Variants in KSR2 observed in about 807,000 individuals in gnomAD.
KSR2 encodes kinase suppressor of ras 2.
KSR2 carries 25 observed loss-of-function variants against 107.8 expected under a neutral mutation model. The observed-to-expected ratio is 0.23, with a 90% confidence interval of 0.17 to 0.32. The LOEUF is 0.32. Ranked by LOEUF, KSR2 falls within the 10% of genes least tolerant of loss-of-function variation. KSR2 has a pLI of 1.00. For missense variants in KSR2, 887 were observed against 1,268.9 expected (o/e 0.70, Z 4.57); for synonymous variants, 480 against 507.0 (o/e 0.95, Z 0.71).
intron 1 of KSR2, among the ~76,000 whole-genome samples, chr12:117,904,603 G>A (rs1894784995): frequency 6.6e-6 from 1 of 152,134 alleles, no homozygotes; most frequent in Non-Finnish European, 1.5e-5. Context: ...CCTACTAAGT[G>A]TTTTATATAC....
At chr12:117,539,985 C>G (rs1876364924) in intron 9 of KSR2, 98 bp from the exon 10 acceptor site, 5 of 1,012,304 alleles carry the variant, frequency 4.9e-6, no homozygotes, top group Non-Finnish European at 7.2e-6. Context: ...ACCCCAGCCC[C>G]TGCAACAATT....
intron 4 of KSR2, among the ~76,000 whole-genome samples, chr12:117,707,164 G>A (rs1886560395): frequency 6.6e-6 from 1 of 152,210 alleles, no homozygotes; most frequent in South Asian, 2.1e-4. Context: ...CCATTCATAT[G>A]TAATATTCAG....
intron 1 of KSR2, among the ~76,000 whole-genome samples, chr12:117,899,833 G>A (rs574318778): frequency 5.3e-5 from 8 of 152,342 alleles, no homozygotes; most frequent in Admixed American, 3.3e-4. Flanking sequence ...AAACAGCCAC[G>A]TTGTGAACAT....
intron 1 of KSR2, among the ~76,000 whole-genome samples, chr12:117,912,359 T>C (rs1258112721): frequency 6.6e-6 from 1 of 152,220 alleles, no homozygotes; most frequent in African/African-American, 2.4e-5. Context: ...ATTCAAATGA[T>C]GGTATGTTAT....
intron 3 of KSR2, among the ~76,000 whole-genome samples, chr12:117,840,071 T>C (rs1892399673): frequency 6.6e-6 from 1 of 151,516 alleles, no homozygotes; most frequent in African/African-American, 2.4e-5. Flanking sequence ...CAGACTTTTT[T>C]CCCATTTTAT....
chr12:117,496,315 C>T (rs1210170948), intron 14 of KSR2, among the ~76,000 whole-genome samples: 1 of 152,176 alleles, frequency 6.6e-6, no homozygotes, highest in Non-Finnish European at 1.5e-5. Flanking sequence ...GGTAACCTGG[C>T]ATTCCTCTAC....
chr12:117,839,305 G>C (rs1181009235), intron 3 of KSR2, among the ~76,000 whole-genome samples: 1 of 152,220 alleles, frequency 6.6e-6, no homozygotes, highest in African/African-American at 2.4e-5. Flanking sequence ...AATGAACAAA[G>C]TGCTGCGTTT....
chr12:117,807,172 G>C (rs778308038), intron 3 of KSR2, among the ~76,000 whole-genome samples: 77 of 152,218 alleles, frequency 5.1e-4, no homozygotes, highest in Non-Finnish European at 1.0e-3. Context: ...ACTCTCACCC[G>C]ATGACCTGCT....
At chr12:117,856,522 G>T (rs1365657246) in intron 2 of KSR2, among the ~76,000 whole-genome samples, 1 of 151,992 alleles carries the variant, frequency 6.6e-6, no homozygotes, top group African/African-American at 2.4e-5. Context: ...TGTTTCCCAG[G>T]CTGGAGTGCA....
At chr12:117,704,123 G>A (rs12306134) in intron 4 of KSR2, among the ~76,000 whole-genome samples, 1,980 of 152,084 alleles carry the variant, frequency 0.013, 34 homozygotes, top group African/African-American at 0.043. Flanking sequence ...ATTCATATTC[G>A]TGGATGGAAC....
In KSR2 at chr12:117,466,519, A is replaced by G. The variant is rs1356176685; in HGVS notation, c.*680T>C. The stretch of plus-strand genomic sequence containing the variant: ...AGACCCAGAACTCAAAAGACGTTCT[A>G]ACTTTCCTACTGTACTTCAGAGCTC... On this transcript the variant is annotated 3_prime_UTR_variant, in exon 20 of 20. Coordinates refer to ENST00000339824, the MANE Select transcript of KSR2 (RefSeq NM_173598.6). 6.6e-6 allele frequency: 1 copy of G among 152,286 alleles called. No individual in the cohort carries two copies. Among genetic ancestry groups the G allele is most frequent in the African/African-American group, 2.4e-5 (1 of 41,460 alleles). The allele number at this position is 152,286 out of a possible 1,614,324, so 9.4% of individuals were successfully genotyped here.
At chr12:117,633,679 G>A (rs972598757) in intron 5 of KSR2, among the ~76,000 whole-genome samples, 2 of 152,032 alleles carry the variant, frequency 1.3e-5, no homozygotes, top group Non-Finnish European at 2.9e-5. Flanking sequence ...GTGTCTTTTT[G>A]CAAGGACATC....
chr12:117,730,464 C>CTCCTCTTTCCACA (rs1452812938), intron 4 of KSR2, among the ~76,000 whole-genome samples: 1 of 13,192 alleles, frequency 7.6e-5, no homozygotes, highest in Non-Finnish European at 1.5e-4. Context: ...CCCTCTCCCT[C>CTCCTCTTTCCACA]GTCTCCCCTC....
chr12:117,802,995 C>T (rs1890886464), intron 3 of KSR2, among the ~76,000 whole-genome samples: 1 of 152,178 alleles, frequency 6.6e-6, no homozygotes, highest in Non-Finnish European at 1.5e-5. Flanking sequence ...TGATAAATTG[C>T]CCATGCATTG....
chr12:117,770,010 T>C (rs908259302), intron 3 of KSR2, among the ~76,000 whole-genome samples: 1 of 151,140 alleles, frequency 6.6e-6, no homozygotes, highest in African/African-American at 2.4e-5. Context: ...GCTAAGATTG[T>C]GTCATTGCAC....
At chr12:117,599,178 G>C (rs1469353269) in intron 5 of KSR2, among the ~76,000 whole-genome samples, 1 of 152,118 alleles carries the variant, frequency 6.6e-6, no homozygotes, top group East Asian at 1.9e-4. Flanking sequence ...TTAATGATTT[G>C]ACACAACTTC....
intron 2 of KSR2, among the ~76,000 whole-genome samples, chr12:117,859,611 C>T (rs1893219843): frequency 6.6e-6 from 1 of 151,794 alleles, no homozygotes; most frequent in South Asian, 2.1e-4. Context: ...CATGCACCAC[C>T]ACACCCGGCT....
chr12:117,761,361 G>A lies in KSR2; in HGVS notation c.636C>T (p.Thr212=), dbSNP rs1889010558. Residue 212 remains threonine (T), a synonymous_variant, in exon 4 of 20, where the codon ACC becomes ACT. Transcript: ENST00000339824. ...PSKCVQHYCH[T]SPTPGAPVYT... Reference sequence around the variant, plus strand: ...ACACAGGGGCCCCGGGAGTGGGGCTGGTGTGACAATAGTGCTGGACGCACT... The same window carrying A: ...ACACAGGGGCCCCGGGAGTGGGGCTAGTGTGACAATAGTGCTGGACGCACT... 6.3e-7 allele frequency: 1 copy of A among 1,593,752 alleles called. No individual in the cohort carries two copies. Among genetic ancestry groups the A allele is most frequent in the Admixed American group, 1.9e-5 (1 of 52,838 alleles).
At chr12:117,654,584 C>G (rs896858098) in intron 5 of KSR2, among the ~76,000 whole-genome samples, 4 of 152,116 alleles carry the variant, frequency 2.6e-5, no homozygotes, top group African/African-American at 9.7e-5. Context: ...GTGGACTTTG[C>G]CTGGAAGGAG....
Sources: gnomAD v4.1 joint callset for allele counts (sites outside exome capture counted in the v4.1 genomes callset) on GRCh38, gnomAD v4.1.1 for gene constraint, MANE v1.5 for transcripts, NCBI Gene and HGNC (gene_info 2026-07-23, HGNC 2026-07-21) for gene names.